Variants in ARPP21 observed in about 807,000 individuals in gnomAD.
ARPP21 encodes the protein cAMP regulated phosphoprotein 21, also known as cAMP-regulated phosphoprotein 21.
A neutral mutation model predicts 113.2 loss-of-function variants in ARPP21; 69 were observed. The observed-to-expected ratio is 0.61, with a 90% CI of 0.50 to 0.74. The LOEUF is 0.74. ARPP21 is among the 30% of genes least tolerant of loss of function. The probability of loss-of-function intolerance (pLI) is 0.00; values close to 1 mark genes in which losing one functional copy is unlikely to be tolerated. For missense variants in ARPP21, 1,070 were observed against 1,037.4 expected (o/e 1.03, Z -0.43); for synonymous variants, 368 against 375.5 (o/e 0.98, Z 0.23).
intron 19 of ARPP21, among the ~76,000 whole-genome samples, chr3:35,748,465 A>G (rs942476823): frequency 4.0e-5 from 6 of 150,734 alleles, no homozygotes; most frequent in African/African-American, 1.2e-4. Flanking sequence ...AGAAAAAGAA[A>G]GAGAGAGAGG....
rs919838881 is a variant in ARPP21 at position 35,657,538 on chromosome 3, A to G, written c.-213+17140A>G. Among the ~76,000 whole-genome samples, 3 of 152,270 alleles carry G rather than the reference A, an allele frequency of 2.0e-5. No homozygotes were observed. In the South Asian group the frequency reaches 6.2e-4, roughly 32 times the overall value. On this transcript the variant is annotated intron_variant, in intron 1 of 20. Coordinates refer to ENST00000684406, the MANE Select transcript of ARPP21 (RefSeq NM_001385562.1). The stretch of plus-strand genomic sequence containing the variant: ...AAGTACTTTTCTGAGTACTTTATGT[A>G]TATTAATGTGCTTAATCCTCTCAGC...
intron 19 of ARPP21, among the ~76,000 whole-genome samples, chr3:35,779,586 CA>C (rs5847898): frequency 1.8e-3 from 268 of 146,224 alleles, no homozygotes; most frequent in South Asian, 3.7e-3. Flanking sequence ...TAGTGAGGGT[CA>C]AAAAAAAAAA....
chr3:35,729,431 G>A lies in ARPP21; in HGVS notation c.1354G>A (p.Gly452Arg), dbSNP rs866527830. ...AGGCTGTGTGCCTTATCCAGAGAAT[G>A]GAATAGGGGGCCAGGTTGCTCCCAG... is the stretch of plus-strand genomic sequence containing the variant. ...SPGCVPYPEN[G>R]IGGQVAPSST... Residue 452 changes from glycine to arginine, a missense_variant, in exon 15 of 21, where the codon GGA becomes AGA. Physicochemically the swap from Gly to Arg is moderately radical, Grantham distance 125 (BLOSUM62 -2). Transcript: ENST00000684406. The A allele has an allele frequency of 6.2e-7, 1 of 1,614,170 alleles. No homozygotes were observed. Among genetic ancestry groups the A allele is most frequent in the African/African-American group, 1.3e-5 (1 of 75,052 alleles).
Position 35,681,743 on chromosome 3 carries a change from T to C in ARPP21, c.-9T>C. 4 of 1,607,922 alleles carry C rather than the reference T, an allele frequency of 2.5e-6. No homozygotes were observed. Among genetic ancestry groups the C allele is most frequent in the Non-Finnish European group, 3.4e-6 (4 of 1,176,090 alleles). ...TAAAATCTTGTTATTTTAATTTGCA[T>C]CTGGGAGAATGTCTGAGCAAGGAGA... On this transcript the variant is annotated 5_prime_UTR_variant, in exon 3 of 21. Transcript: ENST00000684406.
At chr3:35,727,928 T>C (rs1442579935) in intron 14 of ARPP21, among the ~76,000 whole-genome samples, 2 of 152,116 alleles carry the variant, frequency 1.3e-5, no homozygotes, top group Non-Finnish European at 2.9e-5. Flanking sequence ...GAAGAGATTG[T>C]TAGATTCACC....
At chr3:35,766,543 G>C (rs1029734198) in intron 19 of ARPP21, among the ~76,000 whole-genome samples, 1 of 152,132 alleles carries the variant, frequency 6.6e-6, no homozygotes, top group African/African-American at 2.4e-5. Flanking sequence ...GGCATTTGAC[G>C]TGCCAATTGC....
chr3:35,726,045 C>T (rs1479376685), intron 14 of ARPP21, among the ~76,000 whole-genome samples: 2 of 152,200 alleles, frequency 1.3e-5, no homozygotes, highest in East Asian at 3.9e-4. Context: ...TTTAACATAT[C>T]TGAAGATCAG....
intron 5 of ARPP21, chr3:35,684,242 A>G: frequency 2.4e-6 from 3 of 1,262,468 alleles, no homozygotes; most frequent in Non-Finnish European, 3.0e-6. Context: ...GCTGGTTCAT[A>G]TGAAACTTAG....
At chr3:35,712,556 GTGTGTGAA>G (rs1201501326) in intron 11 of ARPP21, among the ~76,000 whole-genome samples, 1 of 149,584 alleles carries the variant, frequency 6.7e-6, no homozygotes, top group East Asian at 2.0e-4. Flanking sequence ...GTGTGTGTGT[GTGTGTGAA>G]AGAGAGAGAG....
chr3:35,686,926 T>A (rs1414205520), intron 5 of ARPP21, among the ~76,000 whole-genome samples: 1 of 151,446 alleles, frequency 6.6e-6, no homozygotes, highest in East Asian at 1.9e-4. Context: ...TAAATAAGAA[T>A]AAAAGTGGAT....
At chr3:35,694,391 T>G (rs2083170335) in intron 9 of ARPP21, among the ~76,000 whole-genome samples, 1 of 151,508 alleles carries the variant, frequency 6.6e-6, no homozygotes, top group Admixed American at 6.6e-5. Context: ...TAACATTGCC[T>G]ACAGCTAATT....
At chr3:35,750,172 AT>A (rs1013591047) in intron 19 of ARPP21, among the ~76,000 whole-genome samples, 41 of 101,952 alleles carry the variant, frequency 4.0e-4, no homozygotes, top group Non-Finnish European at 5.3e-4. Flanking sequence ...TTAATTTGAG[AT>A]TTTTTTCTCT....
At chr3:35,788,920 C>A (rs2096687277) in intron 19 of ARPP21, among the ~76,000 whole-genome samples, 1 of 152,178 alleles carries the variant, frequency 6.6e-6, no homozygotes, top group African/African-American at 2.4e-5. Context: ...CAAGTGCGTT[C>A]TTTTATTTGC....
chr3:35,677,027 A>G (rs927110092), intron 1 of ARPP21, among the ~76,000 whole-genome samples: 1 of 151,932 alleles, frequency 6.6e-6, no homozygotes, highest in Non-Finnish European at 1.5e-5. Flanking sequence ...TTCAATTTCA[A>G]TAAGTAAATC....
At chr3:35,718,455 A>G (rs2092702842) in intron 13 of ARPP21, among the ~76,000 whole-genome samples, 1 of 152,154 alleles carries the variant, frequency 6.6e-6, no homozygotes, top group Non-Finnish European at 1.5e-5. Flanking sequence ...ACACACTGTG[A>G]CCTAGTTTGT....
intron 1 of ARPP21, among the ~76,000 whole-genome samples, chr3:35,665,114 T>G: frequency 6.6e-6 from 1 of 152,204 alleles, no homozygotes; most frequent in East Asian, 1.9e-4. Context: ...CCACCCTAAC[T>G]CAGAATACAT....
intron 1 of ARPP21, among the ~76,000 whole-genome samples, chr3:35,671,630 C>G (rs760056177): frequency 7.9e-5 from 12 of 151,972 alleles, no homozygotes; most frequent in Admixed American, 6.6e-4. Context: ...TATTATCTTC[C>G]ACTTTGTAGT....
At chr3:35,647,167 G>C (rs1328750518) in intron 1 of ARPP21, among the ~76,000 whole-genome samples, 1 of 152,088 alleles carries the variant, frequency 6.6e-6, no homozygotes, top group Non-Finnish European at 1.5e-5. Flanking sequence ...CAGAACTATG[G>C]ATAACTTAGT....
chr3:35,742,896 A>G lies in ARPP21; in HGVS notation c.2011-943A>G, dbSNP rs570055832. 7.1e-4 allele frequency among the ~76,000 whole-genome samples: 108 copies of G among 152,370 alleles called. No homozygotes were observed. The Middle Eastern group carries it at 0.014, about 19-fold the overall frequency. ...AGATAGAAAATAATTAACTAAGATC[A>G]GTAAGAAAGTGACCTTAATATAAAT... On this transcript the variant is annotated intron_variant, in intron 18 of 20. Coordinates refer to ENST00000684406, the MANE Select transcript of ARPP21 (RefSeq NM_001385562.1).
Sources: gnomAD v4.1 joint callset for allele counts (sites outside exome capture counted in the v4.1 genomes callset) on GRCh38, gnomAD v4.1.1 for gene constraint, MANE v1.5 for transcripts, NCBI Gene and HGNC (gene_info 2026-07-23, HGNC 2026-07-21) for gene names.